Variants in C14orf132 observed in about 807,000 individuals in gnomAD.
C14orf132 encodes the protein chromosome 14 open reading frame 132.
Under a neutral mutation model 5.8 loss-of-function variants are expected in C14orf132, and 6 were observed. The observed-to-expected ratio is 1.03, with a 90% CI of 0.57 to 2.04. The LOEUF is 2.04. Ranked by LOEUF, C14orf132 falls within the 30% of genes most tolerant of loss-of-function variation. The pLI, the probability that C14orf132 is intolerant of heterozygous loss-of-function variation, is 0.00. For synonymous variants in C14orf132, 51 were observed against 49.8 expected, an observed-to-expected ratio of 1.02 and a Z score of -0.10; for missense variants, 125 against 115.8, an observed-to-expected ratio of 1.08 and a Z score of -0.37.
Position 96,067,778 on chromosome 14 carries a change from C to T in C14orf132, c.28-18733C>T, listed in dbSNP as rs1328829107. Among the ~76,000 whole-genome samples, 4 of 151,926 alleles carry T rather than the reference C, an allele frequency of 2.6e-5. No individual in the cohort carries two copies. In the East Asian group the frequency reaches 5.8e-4, roughly 22 times the overall value. On this transcript the variant is annotated intron_variant, in intron 1 of 1. Coordinates refer to ENST00000555004, the MANE Select transcript of C14orf132 (RefSeq NM_001252507.3). ...CTGGTCACACTTGGAGTGCTGTAGGCGTGCCCTCTACCTTCCACCAGCTTA... is the reference window on the plus strand; with the variant it reads ...CTGGTCACACTTGGAGTGCTGTAGGTGTGCCCTCTACCTTCCACCAGCTTA...
chr14:96,068,163 C>G (rs1336774431), intron 1 of C14orf132, among the ~76,000 whole-genome samples: 1 of 152,146 alleles, frequency 6.6e-6, no homozygotes, highest in Non-Finnish European at 1.5e-5. Context: ...TTAACTGCAC[C>G]CTGCGTGGGC....
rs1886855884 is a variant in C14orf132 at position 96,047,322 on chromosome 14, C to CA, written c.27+7798dup. Among the ~76,000 whole-genome samples the CA allele has an allele frequency of 2.0e-5, 3 of 152,168 alleles. No individual in the cohort carries two copies. In the South Asian group the frequency reaches 6.2e-4, roughly 32 times the overall value. ...TATGACTTGAAACAATGGAATCTCA[C>CA]AAAGCTAAGAGAACTGGGACATCTG... On this transcript the variant is annotated intron_variant, in intron 1 of 1. Transcript: ENST00000555004.
chr14:96,045,286 A>T (rs1282118137), intron 1 of C14orf132, among the ~76,000 whole-genome samples: 3 of 152,134 alleles, frequency 2.0e-5, no homozygotes, highest in Non-Finnish European at 4.4e-5. Flanking sequence ...GGGGTTTTTG[A>T]CTTGAACTGA....
chr14:96,069,179 G>GTATA lies in C14orf132; in HGVS notation c.28-17320_28-17317dup, dbSNP rs527543816. Among the ~76,000 whole-genome samples the GTATA allele has an allele frequency of 6.8e-4, 33 of 48,764 alleles. 1 individual carries two copies. The highest frequency in any genetic ancestry group is 2.3e-3 in the South Asian group (3 of 1,328). The allele number at this position is 48,764 out of a possible 152,430, so 32.0% of individuals were successfully genotyped here. A position where few individuals can be genotyped will look rare whatever the true frequency, so the allele number is the denominator to read the frequency against. On this transcript the variant is annotated intron_variant, in intron 1 of 1. Coordinates refer to ENST00000555004, the MANE Select transcript of C14orf132 (RefSeq NM_001252507.3). ...ATAATAAATCTCTTCATATATATAT[G>GTATA]TATATATATATATATGTATATATGT...
chr14:96,086,293 C>T (rs149232710), intron 1 of C14orf132, among the ~76,000 whole-genome samples: 13 of 152,176 alleles, frequency 8.5e-5, no homozygotes, highest in East Asian at 1.9e-4. Context: ...TTCATAGTAG[C>T]GTGGGCATGA....
chr14:96,060,282 T>C (rs1432542905), intron 1 of C14orf132, among the ~76,000 whole-genome samples: 1 of 152,190 alleles, frequency 6.6e-6, no homozygotes. Flanking sequence ...GGAGGTGGGA[T>C]TGGTGTCACA....
At chr14:96,040,114 A>G (rs1886648077) in intron 1 of C14orf132, among the ~76,000 whole-genome samples, 1 of 143,330 alleles carries the variant, frequency 7.0e-6, no homozygotes, top group African/African-American at 2.5e-5. Context: ...ACCAGTGCCC[A>G]GCGCGGCCAG....
Position 96,079,079 on chromosome 14 carries a change from A to C in C14orf132, c.28-7432A>C, listed in dbSNP as rs187793510. ...AATGGAGAAAATCAAAAGAGACCCC[A>C]CTCTGGAGACACCTTGAGACAGCAG... On this transcript the variant is annotated intron_variant, in intron 1 of 1. Transcript: ENST00000555004. Among the ~76,000 whole-genome samples the C allele has an allele frequency of 9.2e-5, 14 of 152,138 alleles. No individual in the cohort carries two copies. The East Asian group carries it at 2.7e-3, about 29-fold the overall frequency.
rs893749137 is a variant in C14orf132, at chr14:96,089,778, G to A, written c.*3043G>A. On this transcript the variant is annotated 3_prime_UTR_variant, in exon 2 of 2. Coordinates refer to ENST00000555004, the MANE Select transcript of C14orf132 (RefSeq NM_001252507.3). The stretch of plus-strand genomic sequence containing the variant: ...CAGAGACTGGTTTTCTTGGGATGCA[G>A]GCAGAAGGGGACCCTCCCTGGCCAA... The A allele has an allele frequency of 1.3e-5, 2 of 152,298 alleles. No individual in the cohort carries two copies. The highest frequency in any genetic ancestry group is 2.9e-5 in the Non-Finnish European group (2 of 68,136). The allele number at this position is 152,298 out of a possible 1,614,324, so 9.4% of individuals were successfully genotyped here. A position where few individuals can be genotyped will look rare whatever the true frequency, so the allele number is the denominator to read the frequency against.
chr14:96,072,223 G>T (rs1466028136), intron 1 of C14orf132, among the ~76,000 whole-genome samples: 2 of 152,202 alleles, frequency 1.3e-5, no homozygotes, highest in Non-Finnish European at 1.5e-5. Context: ...CTCTGCTATG[G>T]GCTGAGGTCC....
rs1244293496 is a variant in C14orf132 at position 96,093,238 on chromosome 14, T to C, written c.*6503T>C. On this transcript the variant is annotated 3_prime_UTR_variant, in exon 2 of 2. Coordinates refer to ENST00000555004, the MANE Select transcript of C14orf132 (RefSeq NM_001252507.3). Reference sequence around the variant, plus strand: ...TGGGCATTTGTGGGGACCCCCAGACTGGAGGGAGAAAGCCCTACAAAGTGG... The same window carrying C: ...TGGGCATTTGTGGGGACCCCCAGACCGGAGGGAGAAAGCCCTACAAAGTGG... 6.6e-6 allele frequency: 1 copy of C among 152,232 alleles called. No homozygotes were observed. Among genetic ancestry groups the C allele is most frequent in the East Asian group, 1.9e-4 (1 of 5,198 alleles). 9.4% of individuals were successfully genotyped at this position (152,232 alleles called of 1,614,324 possible).
At chr14:96,076,939 G>C (rs1464474204) in intron 1 of C14orf132, among the ~76,000 whole-genome samples, 1 of 152,176 alleles carries the variant, frequency 6.6e-6, no homozygotes, top group Non-Finnish European at 1.5e-5. Flanking sequence ...TAGCTTCCAA[G>C]TTTTGGGAGA....
At chr14:96,049,431 C>G (rs1295665467) in intron 1 of C14orf132, among the ~76,000 whole-genome samples, 1 of 148,516 alleles carries the variant, frequency 6.7e-6, no homozygotes, top group South Asian at 2.1e-4. Context: ...AGCTCTGCCT[C>G]CTGAGTTCAC....
intron 1 of C14orf132, among the ~76,000 whole-genome samples, chr14:96,059,108 A>G (rs546744869): frequency 3.9e-5 from 6 of 152,286 alleles, no homozygotes; most frequent in South Asian, 2.1e-4. Context: ...CAAAAACTAC[A>G]AAAAAGTTAG....
At chr14:96,083,607 C>CCATG (rs1888091607) in intron 1 of C14orf132, among the ~76,000 whole-genome samples, 2 of 152,122 alleles carry the variant, frequency 1.3e-5, no homozygotes, top group South Asian at 4.1e-4. Flanking sequence ...GAGGAAGGGG[C>CCATG]CATGAGCCCA....
At position 96,090,390 on chromosome 14, in the gene C14orf132, C is replaced by CAAA. The variant is rs35138535; in HGVS notation, c.*3668_*3670dup. 131 of 199,540 alleles carry CAAA rather than the reference C, an allele frequency of 6.6e-4. No homozygotes were observed. Among genetic ancestry groups the CAAA allele is most frequent in the South Asian group, 1.1e-3 (25 of 23,084 alleles). The allele number at this position is 199,540 out of a possible 1,614,324, so 12.4% of individuals were successfully genotyped here. A position where few individuals can be genotyped will look rare whatever the true frequency, so the allele number is the denominator to read the frequency against. On this transcript the variant is annotated 3_prime_UTR_variant, in exon 2 of 2. Transcript: ENST00000555004. ...TGGGCAACAGAACGAGACTCTGTCTCAAAAAAAAAAAAAAAGAAAAGAAAA... is the reference window on the plus strand; with the variant it reads ...TGGGCAACAGAACGAGACTCTGTCTCAAAAAAAAAAAAAAAAAAGAAAAGAAAA...
Position 96,090,502 on chromosome 14 carries a change from G to T in C14orf132, c.*3767G>T, listed in dbSNP as rs1051358721. The stretch of plus-strand genomic sequence containing the variant: ...AAGAGGCCAGACGCCGCTGTAGCCA[G>T]GCCTGTCTTAAGAGGACTTGTGCTT... On this transcript the variant is annotated 3_prime_UTR_variant, in exon 2 of 2. Coordinates refer to ENST00000555004, the MANE Select transcript of C14orf132 (RefSeq NM_001252507.3). 11 of 418,416 alleles carry T rather than the reference G, an allele frequency of 2.6e-5. No homozygotes were observed. The highest frequency in any genetic ancestry group is 5.3e-5 in the Non-Finnish European group (11 of 206,652). The allele number at this position is 418,416 out of a possible 1,614,324, so 25.9% of individuals were successfully genotyped here.
At position 96,090,717 on chromosome 14, in the gene C14orf132, AG is replaced by A. The variant is rs1888370641; in HGVS notation, c.*3983del. 4.4e-6 allele frequency: 2 copies of A among 455,982 alleles called. No individual in the cohort carries two copies. Among genetic ancestry groups the A allele is most frequent in the Non-Finnish European group, 4.4e-6 (1 of 226,804 alleles). 28.2% of individuals were successfully genotyped at this position (455,982 alleles called of 1,614,324 possible). A position where few individuals can be genotyped will look rare whatever the true frequency, so the allele number is the denominator to read the frequency against. ...AGGGAGAAAGGATGGGAGGAGGGGC[AG>A]CAGCATTTCGCTGGAAAGGCAGCAG... On this transcript the variant is annotated 3_prime_UTR_variant, in exon 2 of 2. Coordinates refer to ENST00000555004, the MANE Select transcript of C14orf132 (RefSeq NM_001252507.3).
chr14:96,076,072 A>G lies in C14orf132; in HGVS notation c.28-10439A>G, dbSNP rs549019443. On this transcript the variant is annotated intron_variant, in intron 1 of 1. Coordinates refer to ENST00000555004, the MANE Select transcript of C14orf132 (RefSeq NM_001252507.3). ...ATTTTTTCCCAGAAGATTTTTAACC[A>G]AAAATTTAACTTATTTAATAGCTAT... is the stretch of plus-strand genomic sequence containing the variant. Among the ~76,000 whole-genome samples, 4 of 152,328 alleles carry G rather than the reference A, an allele frequency of 2.6e-5. No individual in the cohort carries two copies. In the East Asian group the frequency reaches 7.7e-4, roughly 29 times the overall value.
Sources: gnomAD v4.1 joint callset for allele counts (sites outside exome capture counted in the v4.1 genomes callset) on GRCh38, gnomAD v4.1.1 for gene constraint, MANE v1.5 for transcripts, NCBI Gene and HGNC (gene_info 2026-07-23, HGNC 2026-07-21) for gene names.